KDM4C: variants seen among roughly 807,000 people sequenced by gnomAD.
KDM4C encodes the protein lysine-specific demethylase 4C.
Under a neutral mutation model 129.3 loss-of-function variants are expected in KDM4C, and 81 were observed. The observed-to-expected ratio is 0.63, with a 90% CI of 0.52 to 0.75. The LOEUF (loss-of-function observed/expected upper bound fraction) is 0.75, where lower values mean the gene tolerates loss of function less well. KDM4C is among the 30% of genes least tolerant of loss of function. KDM4C has a pLI of 0.00. For missense variants in KDM4C, 1,457 were observed against 1,304.0 expected (o/e 1.12, Z -1.81); for synonymous variants, 573 against 456.1 (o/e 1.26, Z -3.26).
intron 6 of KDM4C, among the ~76,000 whole-genome samples, chr9:6,886,749 CCCAAAGTGTTGGGA>C (rs1845347324): frequency 6.6e-6 from 1 of 152,106 alleles, no homozygotes; most frequent in South Asian, 2.1e-4. Flanking sequence ...GCCTCAGCCT[CCCAAAGTGTTGGGA>C]TTACAGGCGT....
At chr9:6,969,981 G>A (rs1345213609) in intron 8 of KDM4C, among the ~76,000 whole-genome samples, 1 of 152,206 alleles carries the variant, frequency 6.6e-6, no homozygotes, top group Non-Finnish European at 1.5e-5. Flanking sequence ...CATTCCCACT[G>A]TACCTCATTG....
intron 12 of KDM4C, among the ~76,000 whole-genome samples, chr9:6,998,951 G>T (rs1376348993): frequency 1.3e-5 from 2 of 151,900 alleles, no homozygotes; most frequent in Non-Finnish European, 2.9e-5. Flanking sequence ...TTCTGGCATC[G>T]CCTGGGATTT....
intron 4 of KDM4C, among the ~76,000 whole-genome samples, chr9:6,824,473 T>C (rs1310178061): frequency 6.6e-6 from 1 of 152,152 alleles, no homozygotes; most frequent in African/African-American, 2.4e-5. Context: ...TCTGAACTCT[T>C]TTACTCCAAG....
chr9:7,001,083 A>C (rs936759669), intron 12 of KDM4C, among the ~76,000 whole-genome samples: 1 of 152,186 alleles, frequency 6.6e-6, no homozygotes, highest in Non-Finnish European at 1.5e-5. Context: ...CTTTATCAGC[A>C]TTTTAATTTT....
intron 17 of KDM4C, among the ~76,000 whole-genome samples, chr9:7,099,603 T>G (rs879330044): frequency 2.0e-5 from 3 of 152,268 alleles, no homozygotes; most frequent in Non-Finnish European, 4.4e-5. Flanking sequence ...TTTTCACTTT[T>G]TAACCCTGTA....
At chr9:6,923,242 T>TA (rs1821868063) in intron 8 of KDM4C, among the ~76,000 whole-genome samples, 2 of 150,220 alleles carry the variant, frequency 1.3e-5, no homozygotes, top group Non-Finnish European at 3.0e-5. Flanking sequence ...TTTTTTTTTT[T>TA]AATCTTAAAA....
chr9:7,000,520 A>G (rs573485558), intron 12 of KDM4C, among the ~76,000 whole-genome samples: 30 of 152,320 alleles, frequency 2.0e-4, no homozygotes, highest in African/African-American at 6.7e-4. Flanking sequence ...AATAAATTCA[A>G]CCATAACCTT....
At chr9:6,794,413 C>T (rs1274723609) in intron 2 of KDM4C, among the ~76,000 whole-genome samples, 1 of 152,146 alleles carries the variant, frequency 6.6e-6, no homozygotes, top group African/African-American at 2.4e-5. Context: ...GTGGACTTGT[C>T]TGGCTATGGT....
In KDM4C at chr9:6,741,311, C is replaced by A. The variant is rs750699349; in HGVS notation, c.49+20314C>A. On this transcript the variant is annotated intron_variant, in intron 1 of 17. Transcript: ENST00000536108. ...TCAGGAGGCTGAGGCAGCAGAATCG[C>A]TTGAACTAGGGAGGCGGAGGTTGCA... is the stretch of plus-strand genomic sequence containing the variant. Among the ~76,000 whole-genome samples the A allele has an allele frequency of 2.7e-4, 41 of 152,104 alleles. 1 individual carries two copies. Among genetic ancestry groups the A allele is most frequent in the Non-Finnish European group, 5.6e-4 (38 of 68,006 alleles).
chr9:7,105,822 C>T (rs1837624457), intron 18 of KDM4C, among the ~76,000 whole-genome samples: 1 of 152,126 alleles, frequency 6.6e-6, no homozygotes, highest in East Asian at 1.9e-4. Context: ...ATGTGTGGTT[C>T]AGTCAAGTTT....
rs148226655 is a variant in KDM4C at position 6,797,578 on chromosome 9, C to A, written c.144+4446C>A. 2.1e-3 allele frequency among the ~76,000 whole-genome samples: 319 copies of A among 152,254 alleles called. 3 individuals are homozygous for A. The highest frequency in any genetic ancestry group is 6.3e-3 in the African/African-American group (260 of 41,536). ...TTTTGTGGAAGGAGATTATGATGAACTTTTTTTATATATGAAGTGGGTGAA... is the reference window on the plus strand; with the variant it reads ...TTTTGTGGAAGGAGATTATGATGAAATTTTTTTATATATGAAGTGGGTGAA... On this transcript the variant is annotated intron_variant, in intron 2 of 21. Transcript: ENST00000381309.
At chr9:6,743,544 G>A (rs1177273569) in intron 1 of KDM4C, among the ~76,000 whole-genome samples, 2 of 149,332 alleles carry the variant, frequency 1.3e-5, no homozygotes, top group Non-Finnish European at 3.0e-5. Context: ...GTCTCACTCT[G>A]TCACCCAGGC....
rs377385722 is a variant in KDM4C at position 7,166,365 on chromosome 9, A to T, written c.2901+1008A>T. ...TAAAGGTGTTCAAAGAAGTTTGAAA[A>T]ACTTAGGAGAGAGTGTTTTTCATGG... is the stretch of plus-strand genomic sequence containing the variant. On this transcript the variant is annotated intron_variant, in intron 20 of 21. Coordinates refer to ENST00000381309, the MANE Select transcript of KDM4C (RefSeq NM_015061.6). Among the ~76,000 whole-genome samples the T allele has an allele frequency of 1.6e-4, 24 of 152,274 alleles. 3 individuals carry two copies. The highest frequency in any genetic ancestry group is 1.2e-3 in the Admixed American group (19 of 15,290).
chr9:6,910,478 C>T (rs1028607702), intron 8 of KDM4C, among the ~76,000 whole-genome samples: 1 of 152,134 alleles, frequency 6.6e-6, no homozygotes, highest in African/African-American at 2.4e-5. Context: ...AAAAGACAGG[C>T]AGTTCACTAA....
intron 19 of KDM4C, among the ~76,000 whole-genome samples, chr9:7,135,539 G>A (rs1841108247): frequency 6.6e-6 from 1 of 152,148 alleles, no homozygotes; most frequent in Non-Finnish European, 1.5e-5. Flanking sequence ...CCCATGGGCA[G>A]CGGGCACCAT....
At chr9:6,885,325 T>C (rs1422958589) in intron 6 of KDM4C, among the ~76,000 whole-genome samples, 1 of 152,234 alleles carries the variant, frequency 6.6e-6, no homozygotes, top group African/African-American at 2.4e-5. Flanking sequence ...TCACACATGC[T>C]CACTTTTACA....
intron 14 of KDM4C, chr9:7,014,288 G>A (rs1056262791): frequency 6.9e-6 from 2 of 289,480 alleles, no homozygotes; most frequent in Admixed American, 4.7e-5. Flanking sequence ...CACATGTTTG[G>A]ATTTTACTTA....
chr9:6,915,435 T>G (rs1205012462), intron 8 of KDM4C, among the ~76,000 whole-genome samples: 1 of 151,640 alleles, frequency 6.6e-6, no homozygotes, highest in Non-Finnish European at 1.5e-5. Context: ...CACTTGGAGA[T>G]GCCTGCCACT....
intron 19 of KDM4C, among the ~76,000 whole-genome samples, chr9:7,145,490 C>G (rs1441949629): frequency 1.3e-5 from 2 of 152,176 alleles, no homozygotes; most frequent in Non-Finnish European, 2.9e-5. Flanking sequence ...CCCCACTCTG[C>G]TGTGCTCTAT....
Sources: allele counts gnomAD v4.1 joint callset (sites outside exome capture counted in the v4.1 genomes callset), GRCh38; gene constraint gnomAD v4.1.1; transcripts MANE v1.5; gene names NCBI Gene and HGNC (gene_info 2026-07-23, HGNC 2026-07-21).